The following SCHIP1 variants were observed in gnomAD, a reference collection of about 807,000 sequenced individuals.
SCHIP1 encodes the protein schwannomin-interacting protein 1.
In SCHIP1, 8 loss-of-function variants were observed where a neutral mutation model predicts 29.7. That is an observed-to-expected ratio of 0.27 (90% CI 0.16 to 0.49). The LOEUF is 0.49. Among genes scored for constraint, SCHIP1 ranks in the 20% least tolerant of loss-of-function variants. SCHIP1 has a pLI of 0.99. For synonymous variants in SCHIP1, 76 were observed against 94.9 expected (o/e 0.80, Z 1.16); for missense variants, 193 against 294.6 (o/e 0.66, Z 2.52).
chr3:159,423,562 A>C, the SCHIP1 span, among the ~76,000 whole-genome samples: 2 of 152,214 alleles, frequency 1.3e-5, no homozygotes, highest in Non-Finnish European at 2.9e-5. Context: ...GGGAAGCTCA[A>C]ACTGGGTGGA....
intron 1 of SCHIP1, among the ~76,000 whole-genome samples, chr3:159,847,577 A>G (rs1712005623): frequency 2.0e-5 from 3 of 152,202 alleles, no homozygotes; most frequent in Non-Finnish European, 2.9e-5. Flanking sequence ...CATAATGAGG[A>G]CATTAAAATT....
chr3:159,609,277 AG>A, the SCHIP1 span, among the ~76,000 whole-genome samples: 27 of 152,162 alleles, frequency 1.8e-4, no homozygotes, highest in African/African-American at 6.0e-4. Flanking sequence ...ACGTGTGCAA[AG>A]GAACTGGAGT....
At chr3:159,738,717 G>C in the SCHIP1 span, among the ~76,000 whole-genome samples, 1 of 152,210 alleles carries the variant, frequency 6.6e-6, no homozygotes, top group African/African-American at 2.4e-5. Context: ...AGAGGAGAGA[G>C]AGAGACAATA....
At chr3:159,635,077 G>A in the SCHIP1 span, among the ~76,000 whole-genome samples, 2 of 152,180 alleles carry the variant, frequency 1.3e-5, no homozygotes, top group Non-Finnish European at 2.9e-5. Flanking sequence ...AATCTAGGCT[G>A]TAAAATGGAG....
At chr3:159,374,160 G>A in the SCHIP1 span, among the ~76,000 whole-genome samples, 2 of 152,088 alleles carry the variant, frequency 1.3e-5, no homozygotes, top group Non-Finnish European at 2.9e-5. Context: ...GATAATGGAG[G>A]AGGAATGAAC....
At chr3:159,608,518 C>T in the SCHIP1 span, among the ~76,000 whole-genome samples, 1 of 152,110 alleles carries the variant, frequency 6.6e-6, no homozygotes, top group Admixed American at 6.5e-5. Context: ...AGACTGTGGC[C>T]GAGTTTTAGA....
At chr3:159,876,235 C>T (rs114255540) in intron 2 of SCHIP1, among the ~76,000 whole-genome samples, 1 of 152,240 alleles carries the variant, frequency 6.6e-6, no homozygotes, top group African/African-American at 2.4e-5. Flanking sequence ...GTGGTGTATC[C>T]ACATGCTCTG....
the SCHIP1 span, among the ~76,000 whole-genome samples, chr3:159,686,294 C>A: frequency 6.6e-6 from 1 of 152,080 alleles, no homozygotes; most frequent in Admixed American, 6.6e-5. Flanking sequence ...TGTACTACTG[C>A]CAAAAATCTA....
At chr3:159,891,353 A>G (rs1337556023) in intron 5 of SCHIP1, among the ~76,000 whole-genome samples, 1 of 151,152 alleles carries the variant, frequency 6.6e-6, no homozygotes, top group East Asian at 2.0e-4. Flanking sequence ...CCTGGGCGGC[A>G]GAGTGAGATT....
At chr3:159,558,706 A>T in the SCHIP1 span, among the ~76,000 whole-genome samples, 1 of 152,166 alleles carries the variant, frequency 6.6e-6, no homozygotes, top group South Asian at 2.1e-4. Context: ...TTACTAGCTC[A>T]CTTTCCAAGC....
At chr3:159,427,808 C>T in the SCHIP1 span, among the ~76,000 whole-genome samples, 2 of 152,272 alleles carry the variant, frequency 1.3e-5, no homozygotes, top group Non-Finnish European at 2.9e-5. Flanking sequence ...TACAAGGCTA[C>T]AGTAACCAAA....
At chr3:159,771,204 A>G in the SCHIP1 span, among the ~76,000 whole-genome samples, 1 of 152,206 alleles carries the variant, frequency 6.6e-6, no homozygotes, top group South Asian at 2.1e-4. Context: ...CAGCCCAGTT[A>G]CTTCTTCCCC....
chr3:159,465,378 A>G, the SCHIP1 span, among the ~76,000 whole-genome samples: 1 of 149,800 alleles, frequency 6.7e-6, no homozygotes, highest in South Asian at 2.1e-4. Flanking sequence ...TTAGAGAGAA[A>G]GAGAGAGAAA....
the SCHIP1 span, among the ~76,000 whole-genome samples, chr3:159,772,241 C>T: frequency 6.6e-6 from 1 of 152,178 alleles, no homozygotes; most frequent in Non-Finnish European, 1.5e-5. Context: ...ACCCCCATCT[C>T]CCAGTTTCAA....
chr3:159,626,298 AGAT>A, the SCHIP1 span, among the ~76,000 whole-genome samples: 2 of 133,006 alleles, frequency 1.5e-5, no homozygotes, highest in East Asian at 4.8e-4. Context: ...ATAGATAGAT[AGAT>A]TTTTTTTTAC....
the SCHIP1 span, among the ~76,000 whole-genome samples, chr3:159,653,431 T>C: frequency 1.3e-5 from 2 of 152,168 alleles, no homozygotes; most frequent in Non-Finnish European, 2.9e-5. Context: ...GTTCATGTCC[T>C]TTGCAGAGAC....
the SCHIP1 span, among the ~76,000 whole-genome samples, chr3:159,467,403 AAATAG>A: frequency 1.3e-5 from 2 of 152,088 alleles, no homozygotes; most frequent in East Asian, 1.9e-4. Flanking sequence ...AAATAACTAG[AAATAG>A]AATAGAGGAA....
exon 1 of SCHIP1, chr3:159,840,005 T>G (rs1744069559): frequency 2.1e-6 from 3 of 1,435,854 alleles, no homozygotes; most frequent in Non-Finnish European, 2.7e-6. Context: ...GCTGCGCGCT[T>G]CCCGGCACAG....
chr3:159,477,942 T>TG, the SCHIP1 span, among the ~76,000 whole-genome samples: 11 of 147,750 alleles, frequency 7.4e-5, no homozygotes, highest in African/African-American at 2.3e-4. Context: ...TTTTTTTTTT[T>TG]GAGATAGAAT....
Sources: allele counts gnomAD v4.1 joint callset (sites outside exome capture counted in the v4.1 genomes callset), GRCh38; gene constraint gnomAD v4.1.1; transcripts MANE v1.5; gene names NCBI Gene and HGNC (gene_info 2026-07-23, HGNC 2026-07-21).